The following PAK5 variants were observed in gnomAD, a reference collection of about 807,000 sequenced individuals.
PAK5 encodes the protein p21 (RAC1) activated kinase 5, also known as serine/threonine-protein kinase PAK 5.
A neutral mutation model predicts 65.9 loss-of-function variants in PAK5; 16 were observed. The ratio of observed to expected loss-of-function variants is 0.24; its 90% CI spans 0.16 to 0.37. The LOEUF is 0.37. Ranked by LOEUF, PAK5 falls within the 10% of genes least tolerant of loss-of-function variation. PAK5 has a pLI of 1.00. For synonymous variants in PAK5, 371 were observed against 354.9 expected (o/e 1.05, Z -0.51); for missense variants, 785 against 903.9 (o/e 0.87, Z 1.69).
chr20:9,598,816 T>A (rs961862023), intron 3 of PAK5, among the ~76,000 whole-genome samples: 5 of 152,242 alleles, frequency 3.3e-5, no homozygotes, highest in African/African-American at 1.2e-4. Flanking sequence ...TATGTTTTTT[T>A]CTTTTAAATT....
At chr20:9,553,293 C>T (rs1385293189) in intron 7 of PAK5, among the ~76,000 whole-genome samples, 10 of 152,088 alleles carry the variant, frequency 6.6e-5, no homozygotes, top group Admixed American at 2.6e-4. Flanking sequence ...TGAGTTACTA[C>T]GGTGGGCAAC....
intron 1 of PAK5, among the ~76,000 whole-genome samples, chr20:9,772,667 A>G (rs923348260): frequency 6.6e-6 from 1 of 152,264 alleles, no homozygotes; most frequent in Non-Finnish European, 1.5e-5. Flanking sequence ...TTCATGCATT[A>G]CTCCCTGTGT....
chr20:9,703,941 C>T (rs1295453361), intron 2 of PAK5, among the ~76,000 whole-genome samples: 2 of 152,112 alleles, frequency 1.3e-5, no homozygotes, highest in Non-Finnish European at 2.9e-5. Flanking sequence ...TCATAAGGCA[C>T]CTGCTTCAGG....
At position 9,666,681 on chromosome 20, in the gene PAK5, A is replaced by C. The variant is rs371471367; in HGVS notation, c.-11-22342T>G. ...ACAAGAAAAAACAAAACAAAATGCA[A>C]AACAAAACAAAACAAAAAAACAAAT... On this transcript the variant is annotated intron_variant, in intron 2 of 9. Transcript: ENST00000353224. Among the ~76,000 whole-genome samples, 413 of 152,300 alleles carry C rather than the reference A, an allele frequency of 2.7e-3. 6 individuals are homozygous for C. The highest frequency in any genetic ancestry group is 0.02 in the South Asian group (98 of 4,822).
chr20:9,793,546 A>G (rs1239664735), intron 1 of PAK5, among the ~76,000 whole-genome samples: 1 of 152,042 alleles, frequency 6.6e-6, no homozygotes, highest in African/African-American at 2.4e-5. Flanking sequence ...TCAAAAGAAA[A>G]CATTTATGTG....
chr20:9,553,315 C>A (rs746900998), intron 7 of PAK5, among the ~76,000 whole-genome samples: 2 of 152,034 alleles, frequency 1.3e-5, no homozygotes, highest in Non-Finnish European at 2.9e-5. Context: ...AGAGCTTGAT[C>A]CTGCTGAAGA....
intron 3 of PAK5, among the ~76,000 whole-genome samples, chr20:9,640,058 TA>T (rs1269784209): frequency 1.3e-5 from 2 of 152,138 alleles, no homozygotes; most frequent in African/African-American, 2.4e-5. Flanking sequence ...GAATGTTTAT[TA>T]TTTTTTTTTA....
chr20:9,602,165 C>G (rs931520461), intron 3 of PAK5, among the ~76,000 whole-genome samples: 2 of 151,908 alleles, frequency 1.3e-5, no homozygotes, highest in African/African-American at 4.8e-5. Flanking sequence ...GTGGTGCACT[C>G]CTGTAGTCCC....
chr20:9,560,435 C>G (rs2045574426), intron 6 of PAK5, among the ~76,000 whole-genome samples: 1 of 152,190 alleles, frequency 6.6e-6, no homozygotes, highest in Admixed American at 6.5e-5. Context: ...TCAGAGCTCA[C>G]TGCAGCCTTG....
intron 2 of PAK5, among the ~76,000 whole-genome samples, chr20:9,705,929 A>G (rs1183936832): frequency 6.6e-6 from 1 of 152,126 alleles, no homozygotes; most frequent in Non-Finnish European, 1.5e-5. Context: ...ACTTCACAGT[A>G]AAATCTGCTG....
At chr20:9,645,063 G>A (rs1334598074) in intron 2 of PAK5, among the ~76,000 whole-genome samples, 1 of 152,130 alleles carries the variant, frequency 6.6e-6, no homozygotes, top group Non-Finnish European at 1.5e-5. Flanking sequence ...TATTTACAAA[G>A]CACTTGGAAA....
Position 9,580,233 on chromosome 20 carries a change from G to C in PAK5, c.902C>G (p.Ala301Gly). 3.7e-6 allele frequency: 6 copies of C among 1,614,122 alleles called. No homozygotes were observed. Among genetic ancestry groups the C allele is most frequent in the Non-Finnish European group, 5.1e-6 (6 of 1,179,998 alleles). ...TTGGGGATGGGTTTTAAATGCACTT[G>C]CTCCAAATGGCATCATCGGTTCCTG... ...GLQEPMMPFG[A>G]SAFKTHPQGH... The change falls in exon 4 of 10, where the codon GCA (alanine) becomes GGA (glycine). Residue 301 changes from alanine (A) to glycine (G), a missense_variant. By Grantham distance (60) the Ala-to-Gly change is moderately conservative (BLOSUM62 0). Transcript: ENST00000353224.
At chr20:9,783,103 A>C (rs994712473) in intron 1 of PAK5, among the ~76,000 whole-genome samples, 7 of 151,672 alleles carry the variant, frequency 4.6e-5, no homozygotes, top group African/African-American at 1.7e-4. Flanking sequence ...TAATCGGCTA[A>C]TTTTGTATTT....
chr20:9,822,834 A>T (rs999590606), intron 1 of PAK5, among the ~76,000 whole-genome samples: 1 of 152,222 alleles, frequency 6.6e-6, no homozygotes, highest in Non-Finnish European at 1.5e-5. Context: ...ACAGCCTTCA[A>T]CTAATGACTG....
intron 1 of PAK5, among the ~76,000 whole-genome samples, chr20:9,757,779 TA>T (rs1311069500): frequency 6.6e-6 from 1 of 152,222 alleles, no homozygotes; most frequent in African/African-American, 2.4e-5. Flanking sequence ...CATGCTGTTC[TA>T]TTTTTAAACT....
Position 9,596,635 on chromosome 20 carries a change from C to CAAAAA in PAK5, c.205-15710_205-15706dup, listed in dbSNP as rs35576059. On this transcript the variant is annotated intron_variant, in intron 3 of 9. Transcript: ENST00000353224. ...TGGGCGACAGAGCGAGACTCCGTCT[C>CAAAAA]AAAAAAAAAAAAAAAAAAAAAAAAA... Among the ~76,000 whole-genome samples the CAAAAA allele has an allele frequency of 1.6e-3, 82 of 52,768 alleles. 1 individual carries two copies. The highest frequency in any genetic ancestry group is 7.5e-3 in the East Asian group (9 of 1,196). 34.6% of individuals were successfully genotyped at this position (52,768 alleles called of 152,430 possible).
rs913469445 is a variant in PAK5 at position 9,599,948 on chromosome 20, G to A, written c.205-19018C>T. On this transcript the variant is annotated intron_variant, in intron 3 of 9. Transcript: ENST00000353224. The stretch of plus-strand genomic sequence containing the variant: ...CTAAATCCAATGTCATGAAGCTTCC[G>A]CCATGTTTCCTTCTAAAAGTTTTAT... Among the ~76,000 whole-genome samples, 7 of 151,874 alleles carry A rather than the reference G, an allele frequency of 4.6e-5. No homozygotes were observed. The South Asian group carries it at 6.2e-4, about 14-fold the overall frequency.
At chr20:9,772,986 G>A (rs1372392099) in intron 1 of PAK5, among the ~76,000 whole-genome samples, 4 of 152,288 alleles carry the variant, frequency 2.6e-5, no homozygotes, top group South Asian at 4.1e-4. Context: ...ATCTGCTTTT[G>A]AGGAAACTCA....
chr20:9,562,599 T>C (rs1010158146), intron 6 of PAK5, among the ~76,000 whole-genome samples: 1 of 152,194 alleles, frequency 6.6e-6, no homozygotes, highest in Middle Eastern at 3.2e-3. Context: ...GAAATCTATA[T>C]AGGCGACAGG....
Sources: gnomAD v4.1 joint callset for allele counts (sites outside exome capture counted in the v4.1 genomes callset) on GRCh38, gnomAD v4.1.1 for gene constraint, MANE v1.5 for transcripts, NCBI Gene and HGNC (gene_info 2026-07-23, HGNC 2026-07-21) for gene names.